Variants in NTM observed in about 807,000 individuals in gnomAD.
NTM encodes IgLON family member 2.
Under a neutral mutation model 42.1 loss-of-function variants are expected in NTM, and 13 were observed. The observed-to-expected ratio is 0.31, with a 90% CI of 0.20 to 0.49. The LOEUF (loss-of-function observed/expected upper bound fraction) is 0.49, where lower values mean the gene tolerates loss of function less well. Ranked by LOEUF, NTM falls within the 20% of genes least tolerant of loss-of-function variation. The pLI, the probability that NTM is intolerant of heterozygous loss-of-function variation, is 0.99. For missense variants in NTM, 373 were observed against 452.8 expected (o/e 0.82, Z 1.60); for synonymous variants, 187 against 179.2 (o/e 1.04, Z -0.35).
intron 4 of NTM, among the ~76,000 whole-genome samples, chr11:132,273,600 A>G (rs2093594117): frequency 6.6e-6 from 1 of 152,076 alleles, no homozygotes; most frequent in African/African-American, 2.4e-5. Flanking sequence ...TTAAAGTCCT[A>G]TTTTGATTTT....
intron 4 of NTM, among the ~76,000 whole-genome samples, chr11:132,295,800 G>A (rs1345726784): frequency 6.6e-6 from 1 of 152,206 alleles, no homozygotes; most frequent in Non-Finnish European, 1.5e-5. Context: ...TGGAGCAGTG[G>A]TAGGATTTAA....
chr11:131,468,634 TA>T (rs1428258905), intron 1 of NTM, among the ~76,000 whole-genome samples: 1 of 152,226 alleles, frequency 6.6e-6, no homozygotes. Flanking sequence ...TCATAATAGC[TA>T]CAAATTCACT....
chr11:132,013,706 A>G (rs529998540), intron 2 of NTM, among the ~76,000 whole-genome samples: 1 of 152,262 alleles, frequency 6.6e-6, no homozygotes, highest in East Asian at 1.9e-4. Context: ...GGACCATAAA[A>G]TTTATCCACT....
At chr11:131,785,272 C>T (rs932625889) in intron 1 of NTM, among the ~76,000 whole-genome samples, 2 of 152,154 alleles carry the variant, frequency 1.3e-5, no homozygotes, top group Non-Finnish European at 2.9e-5. Context: ...GTGAAAACAC[C>T]TGAAAGCACC....
chr11:131,680,718 CATAT>C, intron 1 of NTM, among the ~76,000 whole-genome samples: 4 of 2,400 alleles, frequency 1.7e-3, no homozygotes, highest in African/African-American at 4.4e-3. Flanking sequence ...TGTGTGTGTG[CATAT>C]GTTTGCATAG....
intron 4 of NTM, among the ~76,000 whole-genome samples, chr11:132,270,192 T>G (rs2093410111): frequency 6.6e-6 from 1 of 152,138 alleles, no homozygotes; most frequent in Admixed American, 6.6e-5. Context: ...TTTTTGCATA[T>G]AGTTTACATT....
At chr11:131,617,666 T>C (rs1444774309) in intron 1 of NTM, among the ~76,000 whole-genome samples, 2 of 152,168 alleles carry the variant, frequency 1.3e-5, no homozygotes, top group African/African-American at 2.4e-5. Flanking sequence ...AGCTGAAAGA[T>C]GAATGGAACT....
chr11:132,325,327 A>G (rs1352642530), intron 7 of NTM, among the ~76,000 whole-genome samples: 3 of 152,024 alleles, frequency 2.0e-5, no homozygotes, highest in Admixed American at 2.0e-4. Flanking sequence ...TTTACAAGAA[A>G]AAAACAACCC....
At chr11:132,165,355 C>T (rs1297589921) in intron 3 of NTM, among the ~76,000 whole-genome samples, 1 of 152,134 alleles carries the variant, frequency 6.6e-6, no homozygotes, top group African/African-American at 2.4e-5. Context: ...GTCATCTGTT[C>T]CTATAGATGC....
chr11:131,916,762 G>T (rs1036820913), intron 2 of NTM, among the ~76,000 whole-genome samples: 1 of 152,168 alleles, frequency 6.6e-6, no homozygotes, highest in Non-Finnish European at 1.5e-5. Context: ...CACATGGCTT[G>T]GCCTGTGGAA....
intron 2 of NTM, among the ~76,000 whole-genome samples, chr11:132,075,260 C>T (rs2058212475): frequency 6.6e-6 from 1 of 152,100 alleles, no homozygotes; most frequent in East Asian, 1.9e-4. Context: ...AACATTGTAC[C>T]TCTGGTTACC....
At chr11:132,229,078 AG>A (rs1348528799) in intron 4 of NTM, among the ~76,000 whole-genome samples, 28 of 152,292 alleles carry the variant, frequency 1.8e-4, no homozygotes, top group African/African-American at 6.7e-4. Flanking sequence ...TAACTGAAAG[AG>A]GGATCATCAT....
At chr11:131,738,741 A>G (rs761826063) in intron 1 of NTM, among the ~76,000 whole-genome samples, 1 of 150,028 alleles carries the variant, frequency 6.7e-6, no homozygotes, top group African/African-American at 2.4e-5. Flanking sequence ...AGAGAAGCTT[A>G]TGTGATTTTG....
intron 1 of NTM, among the ~76,000 whole-genome samples, chr11:131,644,076 C>A (rs900232007): frequency 6.6e-6 from 1 of 152,168 alleles, no homozygotes; most frequent in Non-Finnish European, 1.5e-5. Flanking sequence ...GGAGCTGGAA[C>A]TCTGGTGGTA....
chr11:132,244,960 C>T lies in NTM; in HGVS notation c.526+32813C>T, dbSNP rs753033122. 7.2e-5 allele frequency among the ~76,000 whole-genome samples: 11 copies of T among 152,326 alleles called. No homozygotes were observed. In the East Asian group the frequency reaches 7.7e-4, roughly 11 times the overall value. ...ATATACTTCACAGGTTGTACGTTTG[C>T]GCCCGTGTTTTCTCAGCTGGTGTAA... On this transcript the variant is annotated intron_variant, in intron 4 of 8. Transcript: ENST00000683400.
chr11:131,544,353 T>C (rs1170877986), intron 1 of NTM, among the ~76,000 whole-genome samples: 1 of 152,146 alleles, frequency 6.6e-6, no homozygotes, highest in South Asian at 2.1e-4. Context: ...CAGTGCCTGG[T>C]TCGTTTGTCT....
At chr11:132,125,440 G>A (rs1168525972) in intron 2 of NTM, among the ~76,000 whole-genome samples, 1 of 147,024 alleles carries the variant, frequency 6.8e-6, no homozygotes, top group South Asian at 2.2e-4. Context: ...GTGTGGTGAG[G>A]TATGAGTGTG....
intron 2 of NTM, among the ~76,000 whole-genome samples, chr11:132,142,806 TA>T (rs2069475958): frequency 6.6e-6 from 1 of 152,194 alleles, no homozygotes; most frequent in Non-Finnish European, 1.5e-5. Context: ...TTCTGAGTGC[TA>T]GTGCATCTGC....
intron 2 of NTM, among the ~76,000 whole-genome samples, chr11:132,104,986 TATA>T (rs2062164136): frequency 6.0e-5 from 7 of 115,902 alleles, no homozygotes; most frequent in Admixed American, 9.1e-5. Context: ...TATATATATA[TATA>T]TATTTCATGG....
Sources: allele counts gnomAD v4.1 joint callset (sites outside exome capture counted in the v4.1 genomes callset), GRCh38; gene constraint gnomAD v4.1.1; transcripts MANE v1.5; gene names NCBI Gene and HGNC (gene_info 2026-07-23, HGNC 2026-07-21).